Variants in MEGF8 observed in about 807,000 individuals in gnomAD.
The protein encoded by MEGF8 is multiple EGF like domains 8.
MEGF8 carries 156 observed loss-of-function variants against 302.9 expected under a neutral mutation model. That is an observed-to-expected ratio of 0.52 (90% CI 0.45 to 0.59). The LOEUF (loss-of-function observed/expected upper bound fraction) is 0.59, where lower values mean the gene tolerates loss of function less well. Among genes scored for constraint, MEGF8 ranks in the 20% least tolerant of loss-of-function variants. The pLI, the probability that MEGF8 is intolerant of heterozygous loss-of-function variation, is 0.00. For missense variants in MEGF8, 3,345 were observed against 3,964.5 expected, an observed-to-expected ratio of 0.84 and a Z score of 4.20; for synonymous variants, 1,621 against 1,660.5, an observed-to-expected ratio of 0.98 and a Z score of 0.58.
chr19:42,340,007 G>A (rs1054154369), intron 8 of MEGF8, among the ~76,000 whole-genome samples: 3 of 152,166 alleles, frequency 2.0e-5, no homozygotes, highest in African/African-American at 7.2e-5. Context: ...GCAGTGAGCT[G>A]AGTTCGCACC....
chr19:42,349,841 A>G (rs1458814630), intron 14 of MEGF8, 142 bp downstream of exon 14: 4 of 859,988 alleles, frequency 4.7e-6, no homozygotes, highest in Admixed American at 5.2e-5. Context: ...TGAACTCTGG[A>G]CCTCCTCTTG....
At chr19:42,360,241 T>G (rs1182388663) in intron 31 of MEGF8, among the ~76,000 whole-genome samples, 2 of 151,844 alleles carry the variant, frequency 1.3e-5, no homozygotes, top group African/African-American at 2.4e-5. Context: ...TTGTCTCTCT[T>G]CTTATTTCCC....
chr19:42,359,290 A>G (rs1600061288), intron 31 of MEGF8, 48 bp downstream of exon 31: 3 of 1,477,778 alleles, frequency 2.0e-6, no homozygotes, highest in Non-Finnish European at 2.7e-6. Context: ...ATCCAGGAGG[A>G]GCCCCATCCC....
chr19:42,352,256 C>T lies in MEGF8; in HGVS notation c.3150C>T (p.Ser1050=), dbSNP rs1355525640. 3 of 1,562,070 alleles carry T rather than the reference C, an allele frequency of 1.9e-6. No individual in the cohort carries two copies. The highest frequency in any genetic ancestry group is 3.4e-4 in the Middle Eastern group (2 of 5,958). The change falls in exon 19 of 42, where the codon TCC becomes TCT. Residue 1050 remains serine, a synonymous_variant. Coordinates refer to ENST00000251268, the MANE Select transcript of MEGF8 (RefSeq NM_001271938.2). The surrounding 1 kb of genome is among the most constrained non-coding windows in gnomAD (Gnocchi z 4.4). ...FSGPLGGGNC[S]LWVGEGLGLP... is the part of the protein sequence containing the mutation. ...GGCCCCTCGGTGGGGGTAACTGCTC[C>T]CTGTGGGTGGGGGAGGGCCTGGGGC...
Position 42,349,602 on chromosome 19 carries a change from A to T in MEGF8, c.2402A>T (p.Tyr801Phe). 2 of 1,612,004 alleles carry T rather than the reference A, an allele frequency of 1.2e-6. No individual in the cohort carries two copies. The highest frequency in any genetic ancestry group is 1.7e-6 in the Non-Finnish European group (2 of 1,179,804). Residue 801 changes from tyrosine to phenylalanine, a missense_variant, in exon 14 of 42, where the codon TAT becomes TTT. Transcript: ENST00000251268. ...LFPLPGRDHK[Y>F]AVEIQGQLNG... ...CCTCTGCCTGGGCGGGACCACAAGT[A>T]TGCAGTAGAGATCCAGGGCCAGCTC...
chr19:42,326,277 G>A lies in MEGF8; in HGVS notation c.34G>A (p.Val12Ile). The A allele has an allele frequency of 2.6e-6, 4 of 1,560,502 alleles. No homozygotes were observed. The highest frequency in any genetic ancestry group is 3.4e-6 in the Non-Finnish European group (4 of 1,160,610). Residue 12 changes from valine (V) to isoleucine (I), a missense_variant, in exon 1 of 42, where the codon GTT (valine) becomes ATT (isoleucine). Coordinates refer to ENST00000251268, the MANE Select transcript of MEGF8 (RefSeq NM_001271938.2). ...ALGKVLAMAL[V>I]LALAVLGSLS... The stretch of plus-strand genomic sequence containing the variant: ...GGGCAAGGTTCTGGCCATGGCACTG[G>A]TTTTGGCCTTGGCCGTGCTGGGGTC...
chr19:42,337,025 AG>A, intron 7 of MEGF8, 58 bp from the exon 8 acceptor site: 1 of 1,612,998 alleles, frequency 6.2e-7, no homozygotes, highest in Non-Finnish European at 8.5e-7. Flanking sequence ...GGCTCCCTGC[AG>A]GGGAGTCCCC....
At chr19:42,350,988 G>T in intron 15 of MEGF8, 1 of 572,864 alleles carries the variant, frequency 1.7e-6, no homozygotes, top group Admixed American at 3.3e-5. Context: ...AGCCCCACCC[G>T]GACCACACAG....
rs960139669 is a variant in MEGF8 at position 42,356,224 on chromosome 19, G to A, written c.4503+31G>A. 41 of 1,515,970 alleles carry A rather than the reference G, an allele frequency of 2.7e-5. No homozygotes were observed. Among genetic ancestry groups the A allele is most frequent in the African/African-American group, 8.3e-5 (6 of 72,550 alleles). The allele number at this position is 1,515,970 out of a possible 1,614,324, so 93.9% of individuals were successfully genotyped here. A position where few individuals can be genotyped will look rare whatever the true frequency, so the allele number is the denominator to read the frequency against. On this transcript the variant is annotated intron_variant, in intron 25 of 41. Coordinates refer to ENST00000251268, the MANE Select transcript of MEGF8 (RefSeq NM_001271938.2). The surrounding 1 kb of genome is among the most constrained non-coding windows in gnomAD (Gnocchi z 5.2). ...TTGTGGGTACCCGCTGTCTAGGGAT[G>A]GTTGCTCCCAGGTCGTTCTCCCACC...
In MEGF8 at chr19:42,348,401, G is replaced by C. The variant is rs1429268808; in HGVS notation, c.2227G>C (p.Ala743Pro). Residue 743 changes from alanine (A) to proline (P), a missense_variant, in exon 13 of 42, where the codon GCC becomes CCC. Coordinates refer to ENST00000251268, the MANE Select transcript of MEGF8 (RefSeq NM_001271938.2). ...AGGTGGACCAGGGGCTGAGGACGTG[G>C]CCGTGTGGACGCGGGCCCAGCGCCT... Reference protein sequence around the residue: ...GPGGPGAEDVAVWTRAQRLHV... With the variant: ...GPGGPGAEDVPVWTRAQRLHV... The C allele has an allele frequency of 6.5e-7, 1 of 1,536,978 alleles. No homozygotes were observed. The highest frequency in any genetic ancestry group is 2.0e-5 in the Admixed American group (1 of 50,994).
At position 42,335,830 on chromosome 19, in the gene MEGF8, G is replaced by A. The variant is rs571036395; in HGVS notation, c.829-101G>A. 33 of 1,121,138 alleles carry A rather than the reference G, an allele frequency of 2.9e-5. 1 individual carries two copies. The South Asian group carries it at 4.0e-4, about 13-fold the overall frequency. 69.4% of individuals were successfully genotyped at this position (1,121,138 alleles called of 1,614,324 possible). A position where few individuals can be genotyped will look rare whatever the true frequency, so the allele number is the denominator to read the frequency against. ...TTCTCTTTGTCTCTGTCTTTATCTC[G>A]CCTTCTCTCCATGTTTCTCTGGCTC... is the stretch of plus-strand genomic sequence containing the variant. On this transcript the variant is annotated intron_variant, in intron 5 of 41. Coordinates refer to ENST00000251268, the MANE Select transcript of MEGF8 (RefSeq NM_001271938.2).
chr19:42,355,653 G>A (rs1445903036), intron 23 of MEGF8, 105 bp from the exon 24 acceptor site: 10 of 1,415,634 alleles, frequency 7.1e-6, no homozygotes, highest in Non-Finnish European at 9.4e-6. Context: ...GAATAATATG[G>A]TGCCTTCCTT....
In MEGF8 at chr19:42,360,903, C is replaced by T; in HGVS notation, c.5617C>T (p.Pro1873Ser). The change falls in exon 32 of 42, where the codon CCC becomes TCC. Residue 1873 changes from proline to serine, a missense_variant. By Grantham distance (74) the Pro-to-Ser change is moderately conservative (BLOSUM62 -1). Transcript: ENST00000251268. ...ALGRLLALTL[P>S]PDPCRLLSSP... The stretch of plus-strand genomic sequence containing the variant: ...GGGCCGCCTGCTGGCACTGACCCTG[C>T]CCCCTGACCCCTGCCGCCTGCTGTC... 3 of 1,612,934 alleles carry T rather than the reference C, an allele frequency of 1.9e-6. No homozygotes were observed. The highest frequency in any genetic ancestry group is 2.5e-6 in the Non-Finnish European group (3 of 1,179,510).
intron 8 of MEGF8, among the ~76,000 whole-genome samples, chr19:42,339,093 C>T (rs1281969914): frequency 6.6e-6 from 1 of 152,140 alleles, no homozygotes; most frequent in African/African-American, 2.4e-5. Flanking sequence ...CTCGGCCTCC[C>T]AAATTGCTGG....
At chr19:42,333,570 C>T (rs2039082370) in intron 1 of MEGF8, 35 bp from the exon 2 acceptor site, 2 of 1,601,184 alleles carry the variant, frequency 1.2e-6, no homozygotes, top group Non-Finnish European at 1.7e-6. Flanking sequence ...AGAAGGTCCG[C>T]TTTAGAGCTT....
chr19:42,369,195 AATGGCCGGGCACAG>A lies in MEGF8; in HGVS notation c.6641+194_6641+207del, dbSNP rs1359053939. On this transcript the variant is annotated intron_variant, in intron 37 of 41. Coordinates refer to ENST00000251268, the MANE Select transcript of MEGF8 (RefSeq NM_001271938.2). The surrounding 1 kb of genome is among the most constrained non-coding windows in gnomAD (Gnocchi z 5.7). ...AAGAGTGAGTTTCATAGGGTACCCC[AATGGCCGGGCACAG>A]TGGCTGATGCCTGTAATCCCAGCAC... Among the ~76,000 whole-genome samples, 8 of 152,298 alleles carry A rather than the reference AATGGCCGGGCACAG, an allele frequency of 5.3e-5. No individual in the cohort carries two copies. Among genetic ancestry groups the A allele is most frequent in the Admixed American group, 1.3e-4 (2 of 15,298 alleles).
At chr19:42,370,139 A>G in intron 38 of MEGF8, 50 bp from the exon 39 acceptor site, 6 of 1,554,740 alleles carry the variant, frequency 3.9e-6, no homozygotes, top group Non-Finnish European at 5.2e-6. Flanking sequence ...ACGCCCTCCT[A>G]CCCCTGATGA....
chr19:42,343,544 G>T lies in MEGF8; in HGVS notation c.1581G>T (p.Leu527Phe), dbSNP rs1276189717. ...CGGTGCTTGGTGGCAGCGTCCTGTTGGTGGCTGGGGGGTACAGCGGCCGGC... is the reference window on the plus strand; with the variant it reads ...CGGTGCTTGGTGGCAGCGTCCTGTTTGTGGCTGGGGGGTACAGCGGCCGGC... ...VAAVLGGSVL[L>F]VAGGYSGRPR... Residue 527 changes from leucine (L) to phenylalanine (F), a missense_variant, in exon 9 of 42, where the codon TTG becomes TTT. Coordinates refer to ENST00000251268, the MANE Select transcript of MEGF8 (RefSeq NM_001271938.2). The T allele has an allele frequency of 6.2e-7, 1 of 1,613,596 alleles. No individual in the cohort carries two copies. The highest frequency in any genetic ancestry group is 1.7e-5 in the Admixed American group (1 of 60,002).
chr19:42,337,067 C>G lies in MEGF8; in HGVS notation c.1391-17C>G. 1 of 1,613,650 alleles carries G rather than the reference C, an allele frequency of 6.2e-7. No homozygotes were observed. The highest frequency in any genetic ancestry group is 1.1e-5 in the South Asian group (1 of 91,020). ...TCCCCTAGGCTTGCCAGCTATGCCC[C>G]TTTCCTCCATTCCCAGGGGGCAATG... On this transcript the variant is annotated splice_polypyrimidine_tract_variant and intron_variant, in intron 7 of 41. Coordinates refer to ENST00000251268, the MANE Select transcript of MEGF8 (RefSeq NM_001271938.2).
Sources: gnomAD v4.1 joint callset for allele counts (sites outside exome capture counted in the v4.1 genomes callset) on GRCh38, gnomAD v4.1.1 for gene constraint, Gnocchi (gnomAD v3.1) non-coding constraint, MANE v1.5 for transcripts, NCBI Gene and HGNC (gene_info 2026-07-23, HGNC 2026-07-21) for gene names.